Variants in CCL17 observed in about 807,000 individuals in gnomAD.
CCL17 encodes the protein C-C motif chemokine ligand 17.
A neutral mutation model predicts 7.4 loss-of-function variants in CCL17; 8 were observed. The observed-to-expected ratio is 1.09, with a 90% CI of 0.64 to 1.96. The LOEUF (loss-of-function observed/expected upper bound fraction) is 1.96, where lower values mean the gene tolerates loss of function less well. Among genes scored for constraint, CCL17 ranks in the 30% most tolerant of loss-of-function variants. The pLI, the probability that CCL17 is intolerant of heterozygous loss-of-function variation, is 0.00. For missense variants in CCL17, 102 were observed against 113.0 expected (o/e 0.90, Z 0.44); for synonymous variants, 40 against 46.1 (o/e 0.87, Z 0.54).
At chr16:57,410,120 G>A (rs539268996) in intron 1 of CCL17, among the ~76,000 whole-genome samples, 34 of 152,288 alleles carry the variant, frequency 2.2e-4, no homozygotes, top group Non-Finnish European at 3.5e-4. Flanking sequence ...CGCCCCAGCC[G>A]CTTGGCTGCC....
chr16:57,413,388 T>C (rs1307978700), intron 1 of CCL17, among the ~76,000 whole-genome samples: 2 of 151,968 alleles, frequency 1.3e-5, no homozygotes, highest in Admixed American at 6.5e-5. Flanking sequence ...ACCCTGAAGC[T>C]CACTCATGGT....
intron 1 of CCL17, among the ~76,000 whole-genome samples, chr16:57,413,208 C>T (rs763844116): frequency 3.9e-5 from 6 of 152,218 alleles, no homozygotes; most frequent in African/African-American, 1.2e-4. Context: ...ATCGAAGCAC[C>T]GTTGGGCTCT....
At chr16:57,398,220 C>T in the CCL17 span, among the ~76,000 whole-genome samples, 1 of 152,132 alleles carries the variant, frequency 6.6e-6, no homozygotes, top group Non-Finnish European at 1.5e-5. Flanking sequence ...ATTTTGATAG[C>T]CTCTGATACT....
At chr16:57,403,019 G>T, upstream of CCL17, among the ~76,000 whole-genome samples, 1 of 62,682 alleles carries the variant, frequency 1.6e-5, no homozygotes, top group African/African-American at 1.2e-4. Flanking sequence ...AAGCATTTCA[G>T]CAAAAAAAAA....
chr16:57,397,042 G>A, the CCL17 span, among the ~76,000 whole-genome samples: 28 of 152,158 alleles, frequency 1.8e-4, no homozygotes, highest in Non-Finnish European at 3.8e-4. Context: ...GCAAGGGAAG[G>A]CTTCTATCCA....
the CCL17 span, among the ~76,000 whole-genome samples, chr16:57,396,338 G>A: frequency 6.6e-6 from 1 of 152,298 alleles, no homozygotes; most frequent in African/African-American, 2.4e-5. Context: ...CCTTGGCTGG[G>A]TACACAGAAC....
the CCL17 span, among the ~76,000 whole-genome samples, chr16:57,397,904 A>G: frequency 6.6e-6 from 1 of 152,150 alleles, no homozygotes; most frequent in Admixed American, 6.5e-5. Context: ...ATTCTCCGCA[A>G]ATGAACTTCC....
At chr16:57,399,473 A>G in the CCL17 span, among the ~76,000 whole-genome samples, 2 of 152,080 alleles carry the variant, frequency 1.3e-5, no homozygotes, top group South Asian at 4.1e-4. Flanking sequence ...TTTTTGGAGA[A>G]GGAATCTTGC....
intron 1 of CCL17, among the ~76,000 whole-genome samples, chr16:57,411,026 C>G (rs1323051125): frequency 2.6e-5 from 4 of 152,228 alleles, no homozygotes; most frequent in African/African-American, 4.8e-5. Context: ...ACATTCCCCT[C>G]TCTGCACCTT....
In CCL17 at chr16:57,414,522, G is replaced by A. The variant is rs141209801; in HGVS notation, c.70+520G>A. On this transcript the variant is annotated intron_variant, in intron 2 of 3. Transcript: ENST00000219244. ...CAACCTCTGCCTCCCGGATTCAAGC[G>A]ATTCTCCTGCCTCAGCCTCCCGAGT... Among the ~76,000 whole-genome samples, 1,235 of 139,984 alleles carry A rather than the reference G, an allele frequency of 8.8e-3. 33 individuals are homozygous for A. Among genetic ancestry groups the A allele is most frequent in the East Asian group, 0.085 (385 of 4,536 alleles). The allele number at this position is 139,984 out of a possible 152,430, so 91.8% of individuals were successfully genotyped here.
chr16:57,414,277 T>C (rs1354403203), intron 2 of CCL17, among the ~76,000 whole-genome samples: 2 of 151,986 alleles, frequency 1.3e-5, no homozygotes, highest in Non-Finnish European at 2.9e-5. Context: ...GCTGTGGCTG[T>C]AGTTGTGCAA....
upstream of CCL17, among the ~76,000 whole-genome samples, chr16:57,400,668 A>T (rs1383894688): frequency 2.6e-5 from 4 of 152,048 alleles, no homozygotes; most frequent in African/African-American, 4.8e-5. Flanking sequence ...AGGCACAGAG[A>T]GATTCAGAAA....
upstream of CCL17, chr16:57,404,670 T>C (rs1902668570): frequency 6.5e-6 from 1 of 153,462 alleles, no homozygotes; most frequent in African/African-American, 2.4e-5. Context: ...AAACGTGTAC[T>C]ATTTGCCAGA....
intron 1 of CCL17, among the ~76,000 whole-genome samples, chr16:57,413,209 G>T (rs1169497738): frequency 6.6e-6 from 1 of 152,210 alleles, no homozygotes; most frequent in Non-Finnish European, 1.5e-5. Flanking sequence ...TCGAAGCACC[G>T]TTGGGCTCTT....
At chr16:57,411,600 G>A (rs541448878) in intron 1 of CCL17, among the ~76,000 whole-genome samples, 3 of 152,360 alleles carry the variant, frequency 2.0e-5, no homozygotes, top group East Asian at 1.9e-4. Context: ...GTGTAGCACA[G>A]AAGAGCAATT....
chr16:57,397,256 G>T, the CCL17 span, among the ~76,000 whole-genome samples: 1 of 152,192 alleles, frequency 6.6e-6, no homozygotes, highest in Non-Finnish European at 1.5e-5. Context: ...AGGAGATTTG[G>T]CCCTGTAAAT....
chr16:57,401,524 GAAAAAAA>G (rs148565902), upstream of CCL17, among the ~76,000 whole-genome samples: 1 of 124,134 alleles, frequency 8.1e-6, no homozygotes, highest in Admixed American at 8.5e-5. Context: ...ACTCTGTCTG[GAAAAAAA>G]AAAAAAAAGA....
At chr16:57,414,915 C>T (rs1335164393) in intron 2 of CCL17, among the ~76,000 whole-genome samples, 166 bp from the exon 3 acceptor site, 1 of 152,064 alleles carries the variant, frequency 6.6e-6, no homozygotes, top group East Asian at 1.9e-4. Flanking sequence ...TATGGTAACA[C>T]ACAGACACAC....
At chr16:57,410,712 C>G (rs1902769849) in intron 1 of CCL17, among the ~76,000 whole-genome samples, 1 of 152,198 alleles carries the variant, frequency 6.6e-6, no homozygotes, top group East Asian at 1.9e-4. Flanking sequence ...GAGGGATAAA[C>G]TCGGTTAATC....
Sources: gnomAD v4.1 joint callset for allele counts (sites outside exome capture counted in the v4.1 genomes callset) on GRCh38, gnomAD v4.1.1 for gene constraint, MANE v1.5 for transcripts, NCBI Gene and HGNC (gene_info 2026-07-23, HGNC 2026-07-21) for gene names.